SP110: variants seen among roughly 807,000 people sequenced by gnomAD.
SP110 encodes SP110 nuclear body protein, also known as interferon-induced protein 41, 30kD.
In SP110, 62 loss-of-function variants were observed where a neutral mutation model predicts 92.7. That is an observed-to-expected ratio of 0.67 (90% CI 0.55 to 0.83). The LOEUF is 0.83. Among genes scored for constraint, SP110 ranks in the 40% least tolerant of loss-of-function variants. SP110 has a pLI of 0.00. For synonymous variants in SP110, 273 were observed against 305.3 expected (o/e 0.89, Z 1.10); for missense variants, 793 against 863.9 (o/e 0.92, Z 1.03).
chr2:230,197,604 A>G (rs2042939247), intron 10 of SP110, among the ~76,000 whole-genome samples: 1 of 151,698 alleles, frequency 6.6e-6, no homozygotes, highest in Admixed American at 6.6e-5. Flanking sequence ...TGTTTTAGAC[A>G]TGAAGTCCTT....
chr2:230,215,223 G>A, intron 2 of SP110, 105 bp from the exon 3 acceptor site: 1 of 912,646 alleles, frequency 1.1e-6, no homozygotes, highest in South Asian at 1.5e-5. Context: ...ACTCTTTTAA[G>A]AAGAAATTCA....
intron 10 of SP110, among the ~76,000 whole-genome samples, chr2:230,192,874 T>C (rs75797700): frequency 0.02 from 3,081 of 152,352 alleles, 116 homozygotes; most frequent in African/African-American, 0.067. Context: ...CCATTTGTTC[T>C]AGAGTGTAGT....
intron 11 of SP110, 40 bp from the exon 12 acceptor site, chr2:230,183,680 A>G: frequency 3.3e-6 from 4 of 1,206,260 alleles, no homozygotes; most frequent in Non-Finnish European, 5.0e-6. Context: ...CTACAAACAT[A>G]GATTTATAAG....
intron 17 of SP110, among the ~76,000 whole-genome samples, chr2:230,171,204 T>G (rs865982303): frequency 6.6e-6 from 1 of 152,352 alleles, no homozygotes; most frequent in South Asian, 2.1e-4. Flanking sequence ...GCGATTCTCC[T>G]GCCTCAGCCT....
Position 230,172,957 on chromosome 2 carries a change from C to G in SP110, c.1593G>C (p.Arg531=). ...ACACCTCGCATTCATCCGAGTTTTT[C>G]CGCTGCAAGGGCAGATAACGTGGGC... The part of the protein sequence containing the change: ...EGMTLGELLK[R]KNSDECEVCC... Residue 531 remains arginine, a splice_region_variant and synonymous_variant, in exon 15 of 19, where the codon CGG becomes CGC. Transcript: ENST00000258381. 1.9e-6 allele frequency: 3 copies of G among 1,610,076 alleles called. No homozygotes were observed. The highest frequency in any genetic ancestry group is 1.7e-6 in the Non-Finnish European group (2 of 1,176,304).
At position 230,165,386 on chromosome 2, in the gene SP110, G is replaced by A. The variant is rs1449812412; in HGVS notation, c.*3738C>T. Reference sequence around the variant, plus strand: ...AAGTCGTGTCAAGAAAAGACCAGCAGGGAATCTTAAACAGTGAAAACAGAA... The same window carrying A: ...AAGTCGTGTCAAGAAAAGACCAGCAAGGAATCTTAAACAGTGAAAACAGAA... On this transcript the variant is annotated 3_prime_UTR_variant, in exon 19 of 19. Coordinates refer to ENST00000258381, the MANE Select transcript of SP110 (RefSeq NM_080424.4). 6.6e-6 allele frequency among the ~76,000 whole-genome samples: 1 copy of A among 152,148 alleles called. No individual in the cohort carries two copies.
In SP110 at chr2:230,205,787, A is replaced by G. The variant is rs568937099; in HGVS notation, c.898+2204T>C. ...TTGCAAACAAAGACGCCCAGTGTGC[A>G]GCTGGCTATGTGTTTCTTGAAGACA... On this transcript the variant is annotated intron_variant, in intron 8 of 18. Coordinates refer to ENST00000258381, the MANE Select transcript of SP110 (RefSeq NM_080424.4). 2.0e-5 allele frequency among the ~76,000 whole-genome samples: 3 copies of G among 152,322 alleles called. No individual in the cohort carries two copies. In the South Asian group the frequency reaches 6.2e-4, roughly 32 times the overall value.
intron 14 of SP110, chr2:230,176,835 C>A: frequency 8.6e-7 from 1 of 1,160,956 alleles, no homozygotes; most frequent in South Asian, 1.3e-5. Context: ...CACACTGGAT[C>A]TCAAACCCAA....
chr2:230,222,847 T>G (rs529792980), upstream of SP110, among the ~76,000 whole-genome samples: 4 of 151,562 alleles, frequency 2.6e-5, no homozygotes, highest in East Asian at 3.9e-4. Flanking sequence ...AAAGTTTTTT[T>G]TTTTTTTTTT....
rs56817002 is a variant in SP110 at position 230,206,595 on chromosome 2, T to TTATATATATATATATA, written c.898+1380_898+1395dup. Among the ~76,000 whole-genome samples, 336 of 70,316 alleles carry TTATATATATATATATA rather than the reference T, an allele frequency of 4.8e-3. 17 individuals are homozygous for TTATATATATATATATA. The highest frequency in any genetic ancestry group is 5.7e-3 in the Non-Finnish European group (201 of 35,096). The allele number at this position is 70,316 out of a possible 152,430, so 46.1% of individuals were successfully genotyped here. A position where few individuals can be genotyped will look rare whatever the true frequency, so the allele number is the denominator to read the frequency against. Reference sequence around the variant, plus strand: ...TATTATATATTATCTGGTCCAGATTTTATATATATATATATATATATATAT... The same window carrying TTATATATATATATATA: ...TATTATATATTATCTGGTCCAGATTTTATATATATATATATATATATATATATATATATATATATAT... On this transcript the variant is annotated intron_variant, in intron 8 of 18. Transcript: ENST00000258381.
intron 10 of SP110, among the ~76,000 whole-genome samples, chr2:230,196,615 A>G (rs2042886116): frequency 6.6e-6 from 1 of 152,002 alleles, no homozygotes. Flanking sequence ...ATATGTATAC[A>G]TGTGCCATGT....
chr2:230,180,070 G>A (rs1417224332), intron 12 of SP110, among the ~76,000 whole-genome samples: 1 of 152,150 alleles, frequency 6.6e-6, no homozygotes. Context: ...GGATGCTTGG[G>A]GCTCTCTAAC....
intron 3 of SP110, among the ~76,000 whole-genome samples, chr2:230,214,586 A>G (rs571539182): frequency 6.6e-6 from 1 of 152,334 alleles, no homozygotes; most frequent in Admixed American, 6.5e-5. Flanking sequence ...ATCCGTCCAC[A>G]TTCATTTTTT....
chr2:230,171,124 G>A (rs905947833), intron 17 of SP110, among the ~76,000 whole-genome samples: 6 of 152,116 alleles, frequency 3.9e-5, no homozygotes, highest in African/African-American at 1.4e-4. Flanking sequence ...ATGGAGTCTT[G>A]CTTTGTCACC....
intron 12 of SP110, among the ~76,000 whole-genome samples, chr2:230,178,873 G>A (rs1265651421): frequency 6.6e-6 from 1 of 152,194 alleles, no homozygotes. Context: ...AGATTCAGGG[G>A]AAGCAGTTGC....
At chr2:230,175,191 C>T (rs556483123) in intron 14 of SP110, among the ~76,000 whole-genome samples, 1 of 152,088 alleles carries the variant, frequency 6.6e-6, no homozygotes, top group Non-Finnish European at 1.5e-5. Context: ...CACTCATAGA[C>T]CTACCTACAC....
At chr2:230,200,655 A>G (rs2043088335) in intron 10 of SP110, 4 of 573,716 alleles carry the variant, frequency 7.0e-6, no homozygotes, top group South Asian at 6.2e-5. Flanking sequence ...AAAATCTTAT[A>G]TAGTGCAGAT....
In SP110 at chr2:230,216,854, T is replaced by C. The variant is rs929296692; in HGVS notation, c.74A>G (p.Tyr25Cys). The C allele has an allele frequency of 4.3e-6, 7 of 1,613,974 alleles. No individual in the cohort carries two copies. In the African/African-American group the frequency reaches 8.0e-5, roughly 18 times the overall value. Residue 25 changes from tyrosine (Y) to cysteine (C), a missense_variant, in exon 2 of 19, where the codon TAT becomes TGT. By Grantham distance (194) the Tyr-to-Cys change is radical. Coordinates refer to ENST00000258381, the MANE Select transcript of SP110 (RefSeq NM_080424.4). ...HFMHQKLGIA[Y>C]AIHKPFPFFE... ...GAAGGGAAATGGCTTGTGTATGGCA[T>C]AGGCGATCCCCAGCTTCTGGTGCAT...
chr2:230,173,005 AC>A (rs1259882077), intron 14 of SP110, 46 bp from the exon 15 acceptor site: 1 of 1,228,364 alleles, frequency 8.1e-7, no homozygotes, highest in Non-Finnish European at 1.2e-6. Context: ...ATGGAGACCC[AC>A]GAATGCTGAC....
Sources: allele counts gnomAD v4.1 joint callset (sites outside exome capture counted in the v4.1 genomes callset), GRCh38; gene constraint gnomAD v4.1.1; transcripts MANE v1.5; gene names NCBI Gene and HGNC (gene_info 2026-07-23, HGNC 2026-07-21).